The following VPS13D variants were observed in gnomAD, a reference collection of about 807,000 sequenced individuals.
The protein encoded by VPS13D is vacuolar protein sorting 13 homolog D, also known as intermembrane lipid transfer protein VPS13D.
VPS13D carries 187 observed loss-of-function variants against 461.9 expected under a neutral mutation model. The observed-to-expected ratio is 0.40, with a 90% CI of 0.36 to 0.46. The LOEUF (loss-of-function observed/expected upper bound fraction) is 0.46. VPS13D is among the 20% of genes least tolerant of loss of function. The pLI is 0.60. For missense variants in VPS13D, 4,711 were observed against 5,364.9 expected, an observed-to-expected ratio of 0.88 and a Z score of 3.81; for synonymous variants, 1,951 against 1,986.3, an observed-to-expected ratio of 0.98 and a Z score of 0.47.
intron 67 of VPS13D, among the ~76,000 whole-genome samples, chr1:12,460,874 G>A (rs953979404): frequency 2.6e-5 from 4 of 152,026 alleles, no homozygotes; most frequent in African/African-American, 9.7e-5. Flanking sequence ...ATGTGGGTCT[G>A]TTCCTTCTTA....
intron 67 of VPS13D, among the ~76,000 whole-genome samples, chr1:12,474,412 C>T (rs1174210000): frequency 6.6e-6 from 1 of 151,812 alleles, no homozygotes; most frequent in African/African-American, 2.4e-5. Context: ...TTGGAACTGT[C>T]GAGGGCTGAT....
chr1:12,333,836 G>A (rs979059843), intron 38 of VPS13D, among the ~76,000 whole-genome samples: 4 of 152,162 alleles, frequency 2.6e-5, no homozygotes, highest in African/African-American at 9.7e-5. Flanking sequence ...TTAGTGGTGT[G>A]TTATCTAAAA....
In VPS13D at chr1:12,439,849, A is replaced by C. The variant is rs576147981; in HGVS notation, c.12334-16149A>C. Among the ~76,000 whole-genome samples, 18 of 152,350 alleles carry C rather than the reference A, an allele frequency of 1.2e-4. No individual in the cohort carries two copies. The South Asian group carries it at 3.7e-3, about 32-fold the overall frequency. On this transcript the variant is annotated intron_variant, in intron 65 of 69. Coordinates refer to ENST00000620676, the MANE Select transcript of VPS13D (RefSeq NM_015378.4). Reference sequence around the variant, plus strand: ...AGAAGTTTCCCAAGATCACGCAGCCAATAAGTGAAACCACTTTGAGGTCAC... The same window carrying C: ...AGAAGTTTCCCAAGATCACGCAGCCCATAAGTGAAACCACTTTGAGGTCAC...
chr1:12,305,633 A>G (rs1642540556), intron 26 of VPS13D, among the ~76,000 whole-genome samples: 1 of 152,080 alleles, frequency 6.6e-6, no homozygotes, highest in Non-Finnish European at 1.5e-5. Context: ...CATGTGCCCG[A>G]TAAGTGGGAG....
intron 52 of VPS13D, among the ~76,000 whole-genome samples, chr1:12,364,383 T>A (rs554271195): frequency 6.6e-6 from 1 of 152,318 alleles, no homozygotes; most frequent in African/African-American, 2.4e-5. Flanking sequence ...CATTTTTGTT[T>A]ATTCACCTAT....
At chr1:12,380,152 A>G (rs991897246) in intron 57 of VPS13D, among the ~76,000 whole-genome samples, 27 of 152,180 alleles carry the variant, frequency 1.8e-4, no homozygotes, top group African/African-American at 6.3e-4. Flanking sequence ...CTGGATGATA[A>G]GATATGTTTT....
At chr1:12,496,528 TCTC>T (rs2100539388) in intron 67 of VPS13D, among the ~76,000 whole-genome samples, 1 of 152,322 alleles carries the variant, frequency 6.6e-6, no homozygotes, top group South Asian at 2.1e-4. Flanking sequence ...GTGTAAGGCT[TCTC>T]CTCTCTTTTA....
intron 3 of VPS13D, among the ~76,000 whole-genome samples, chr1:12,243,422 C>T (rs928696961): frequency 5.9e-5 from 9 of 152,278 alleles, no homozygotes; most frequent in Middle Eastern, 6.8e-3. Context: ...AATACAGCTG[C>T]GTGCCACCAA....
intron 19 of VPS13D, 73 bp downstream of exon 19, chr1:12,278,111 A>T: frequency 1.4e-6 from 2 of 1,422,848 alleles, no homozygotes; most frequent in South Asian, 2.8e-5. Context: ...CTTTGCGTAA[A>T]ACAGCAACAA....
chr1:12,288,718 G>A (rs1234239795), intron 22 of VPS13D, among the ~76,000 whole-genome samples: 3 of 151,798 alleles, frequency 2.0e-5, no homozygotes, highest in African/African-American at 4.8e-5. Context: ...CCTAGAAAAC[G>A]GGCATACAAC....
chr1:12,414,932 T>A (rs531471404), intron 63 of VPS13D, among the ~76,000 whole-genome samples, 155 bp from the exon 64 acceptor site: 27 of 152,324 alleles, frequency 1.8e-4, no homozygotes, highest in Non-Finnish European at 2.6e-4. Context: ...ATTTTACTTT[T>A]ATAGTTATAG....
At chr1:12,266,742 T>G in intron 13 of VPS13D, 139 bp from the exon 14 acceptor site, 3 of 818,718 alleles carry the variant, frequency 3.7e-6, no homozygotes, top group Non-Finnish European at 5.2e-6. Flanking sequence ...ATAGATAGGG[T>G]TTTTTTGTTT....
chr1:12,346,678 T>C, intron 44 of VPS13D, 26 bp downstream of exon 44: 1 of 1,607,216 alleles, frequency 6.2e-7, no homozygotes, highest in Middle Eastern at 1.7e-4. Context: ...CTGTTGTCAT[T>C]GTGTTTATTG....
At chr1:12,318,869 A>C (rs1408245599) in intron 31 of VPS13D, among the ~76,000 whole-genome samples, 5 of 152,196 alleles carry the variant, frequency 3.3e-5, no homozygotes, top group Non-Finnish European at 7.3e-5. Context: ...TGATACCTGT[A>C]CCTGCTTCTC....
At chr1:12,266,491 T>C (rs992631802) in intron 13 of VPS13D, among the ~76,000 whole-genome samples, 1 of 152,230 alleles carries the variant, frequency 6.6e-6, no homozygotes, top group Non-Finnish European at 1.5e-5. Flanking sequence ...GATTACAACT[T>C]GCTGAAGATT....
chr1:12,353,982 TG>T lies in VPS13D; in HGVS notation c.9442del (p.Ala3148LeufsTer2). ...CCATTTTATCTTCATAGGTTTTGTG[TG>T]GCTATAAAGAAAGAGAATTATCCAG... is the stretch of plus-strand genomic sequence containing the variant. Reference protein sequence around the residue: ...TEKSRFFRFCVAIKKENYPDY... With the variant: ...TEKSRFFRFCXAIKKENYPDY... On this transcript the variant is annotated frameshift_variant, in exon 47 of 70. Transcript: ENST00000620676. LOFTEE classifies it high-confidence loss of function. 1 of 1,613,798 alleles carries T rather than the reference TG, an allele frequency of 6.2e-7. No homozygotes were observed. Among genetic ancestry groups the T allele is most frequent in the Non-Finnish European group, 8.5e-7 (1 of 1,179,748 alleles).
intron 67 of VPS13D, chr1:12,497,221 G>C (rs1162700756): frequency 4.3e-6 from 1 of 233,504 alleles, no homozygotes; most frequent in African/African-American, 2.3e-5. Context: ...AGGTGTCATC[G>C]TCCTGTTTCA....
At chr1:12,385,207 G>A in intron 58 of VPS13D, 53 bp from the exon 59 acceptor site, 1 of 1,452,532 alleles carries the variant, frequency 6.9e-7, no homozygotes, top group East Asian at 2.3e-5. Flanking sequence ...GTTAGAATAG[G>A]TTTCAATAAG....
At chr1:12,489,220 A>G (rs906323992) in intron 67 of VPS13D, among the ~76,000 whole-genome samples, 7 of 152,184 alleles carry the variant, frequency 4.6e-5, no homozygotes, top group South Asian at 2.1e-4. Flanking sequence ...TTAAATCCCA[A>G]TAGGTGTATC....
Sources: allele counts gnomAD v4.1 joint callset (sites outside exome capture counted in the v4.1 genomes callset), GRCh38; gene constraint gnomAD v4.1.1; transcripts MANE v1.5; gene names NCBI Gene and HGNC (gene_info 2026-07-23, HGNC 2026-07-21).